Variants in YTHDC1 observed in about 807,000 individuals in gnomAD.
YTHDC1 encodes YTH N6-methyladenosine RNA binding protein C1.
YTHDC1 carries 12 observed loss-of-function variants against 107.0 expected under a neutral mutation model. The ratio of observed to expected loss-of-function variants is 0.11; its 90% CI spans 0.07 to 0.18. The LOEUF is 0.18. Among genes scored for constraint, YTHDC1 ranks in the 10% least tolerant of loss-of-function variants. The pLI is 1.00. For missense variants in YTHDC1, 635 were observed against 898.8 expected, an observed-to-expected ratio of 0.71 and a Z score of 3.75; for synonymous variants, 280 against 289.5, an observed-to-expected ratio of 0.97 and a Z score of 0.33.
Position 68,324,122 on chromosome 4 carries a change from CAATT to C in YTHDC1, c.1434+13_1434+16del. The stretch of plus-strand genomic sequence containing the variant: ...GATTAAATGTGTTTTTTTAAAGAAT[CAATT>C]AAGGCCACAAACCTGTCCATCACGT... On this transcript the variant is annotated intron_variant, in intron 10 of 16. Transcript: ENST00000344157. 1 of 1,599,908 alleles carries C rather than the reference CAATT, an allele frequency of 6.3e-7. No homozygotes were observed. The highest frequency in any genetic ancestry group is 1.1e-5 in the South Asian group (1 of 89,148).
rs1275319527 is a variant in YTHDC1, at chr4:68,313,127, ACT to A, written c.*970_*971del. The A allele has an allele frequency of 4.6e-5, 7 of 152,338 alleles. No individual in the cohort carries two copies. In the South Asian group the frequency reaches 6.2e-4, roughly 14 times the overall value. The allele number at this position is 152,338 out of a possible 1,614,324, so 9.4% of individuals were successfully genotyped here. ...AATACTTAACCAAATTATTAACATA[ACT>A]CTGTGTATCTTATGTTAGAAATAGA... On this transcript the variant is annotated 3_prime_UTR_variant, in exon 17 of 17. Transcript: ENST00000344157.
rs79205979 is a variant in YTHDC1, at chr4:68,314,042, A to C, written c.*57T>G. On this transcript the variant is annotated 3_prime_UTR_variant, in exon 17 of 17. Coordinates refer to ENST00000344157, the MANE Select transcript of YTHDC1 (RefSeq NM_001031732.4). ...AAATTTACTACTTGTAAACACACAC[A>C]AAAAAAAAATACAAGATTTTTTGTA... is the stretch of plus-strand genomic sequence containing the variant. 2.4e-6 allele frequency: 3 copies of C among 1,255,516 alleles called. No homozygotes were observed. Among genetic ancestry groups the C allele is most frequent in the Non-Finnish European group, 3.3e-6 (3 of 909,454 alleles). The allele number at this position is 1,255,516 out of a possible 1,614,324, so 77.8% of individuals were successfully genotyped here.
intron 1 of YTHDC1, among the ~76,000 whole-genome samples, chr4:68,347,336 G>A (rs543373207): frequency 5.9e-5 from 9 of 152,214 alleles, no homozygotes; most frequent in Admixed American, 2.6e-4. Context: ...TCCTTATATA[G>A]AAAAATGGCA....
intron 16 of YTHDC1, among the ~76,000 whole-genome samples, chr4:68,314,941 G>A (rs1377812051): frequency 1.3e-5 from 2 of 152,166 alleles, no homozygotes; most frequent in African/African-American, 4.8e-5. Context: ...AAACTTAGCT[G>A]AAATAAGATT....
intron 7 of YTHDC1, among the ~76,000 whole-genome samples, chr4:68,331,667 C>T (rs914968376): frequency 6.6e-6 from 1 of 151,902 alleles, no homozygotes; most frequent in African/African-American, 2.4e-5. Flanking sequence ...TCCCAATGAT[C>T]TTAATTCTAA....
intron 1 of YTHDC1, among the ~76,000 whole-genome samples, chr4:68,343,005 AGTTT>A (rs1725017590): frequency 6.6e-6 from 1 of 152,198 alleles, no homozygotes; most frequent in African/African-American, 2.4e-5. Context: ...ACTTCATAAT[AGTTT>A]GACAGTAGTA....
chr4:68,337,509 AAACAGTTCT>A, intron 3 of YTHDC1, 54 bp downstream of exon 3: 4 of 1,596,702 alleles, frequency 2.5e-6, no homozygotes, highest in Non-Finnish European at 3.4e-6. Context: ...CAGGGTGAAT[AAACAGTTCT>A]AAAGCCTCAA....
chr4:68,316,370 G>A lies in YTHDC1; in HGVS notation c.1903C>T (p.Pro635Ser), dbSNP rs764890012. Reference sequence around the variant, plus strand: ...GGTACTGGATGATGTCCTGAGTAAGGGGGATGAGCTTGAGGAGGTGGAGCA... The same window carrying A: ...GGTACTGGATGATGTCCTGAGTAAGAGGGATGAGCTTGAGGAGGTGGAGCA... ...HHAPPPQAHP[P>S]YSGHHPVPHE... The change falls in exon 16 of 17, where the codon CCT becomes TCT. Residue 635 changes from proline (P) to serine (S), a missense_variant. This residue lies in a region of YTHDC1 where 256 missense variants were observed against 372.9 expected (regional missense o/e 0.69). Coordinates refer to ENST00000344157, the MANE Select transcript of YTHDC1 (RefSeq NM_001031732.4). 1 of 1,614,042 alleles carries A rather than the reference G, an allele frequency of 6.2e-7. No homozygotes were observed. The highest frequency in any genetic ancestry group is 8.5e-7 in the Non-Finnish European group (1 of 1,179,964).
intron 16 of YTHDC1, among the ~76,000 whole-genome samples, chr4:68,314,978 TA>T (rs1721660717): frequency 6.6e-6 from 1 of 152,174 alleles, no homozygotes; most frequent in Non-Finnish European, 1.5e-5. Context: ...CATTACCTTT[TA>T]TATATGTGAT....
intron 4 of YTHDC1, among the ~76,000 whole-genome samples, chr4:68,335,139 T>C (rs1483392799): frequency 2.0e-5 from 3 of 152,298 alleles, no homozygotes; most frequent in East Asian, 3.9e-4. Flanking sequence ...TTTATAAAGT[T>C]ACCAAAAATT....
rs566379464 is a variant in YTHDC1, at chr4:68,337,208, TTCCTCC to T, written c.696_701del (p.Glu248_Glu249del). The T allele has an allele frequency of 2.5e-6, 4 of 1,589,488 alleles. No individual in the cohort carries two copies. The highest frequency in any genetic ancestry group is 2.2e-5 in the East Asian group (1 of 44,632). On this transcript the variant is annotated inframe_deletion, in exon 4 of 17. Coordinates refer to ENST00000344157, the MANE Select transcript of YTHDC1 (RefSeq NM_001031732.4). ...CCTCCTCCTCTTCCTCCTCCTCCTC[TTCCTCC>T]TCCTCCTCTCCATCTTCATCCACCT...
At position 68,332,801 on chromosome 4, in the gene YTHDC1, G is replaced by A. The variant is rs778427737; in HGVS notation, c.1020C>T (p.Val340=). ...TTCAAATTTAAATGATACCTTTTCG[G>A]ACAGCACGAACGGAAGATGATAATT... is the stretch of plus-strand genomic sequence containing the variant. ...HEKLSSSVRA[V]RKDQTSKLKY... Residue 340 remains valine, a synonymous_variant, in exon 6 of 17, where the codon GTC becomes GTT. Transcript: ENST00000344157. 2 of 1,613,044 alleles carry A rather than the reference G, an allele frequency of 1.2e-6. No individual in the cohort carries two copies. The highest frequency in any genetic ancestry group is 1.1e-5 in the South Asian group (1 of 90,984).
At chr4:68,323,452 G>A (rs1480645796) in intron 10 of YTHDC1, among the ~76,000 whole-genome samples, 1 of 152,130 alleles carries the variant, frequency 6.6e-6, no homozygotes, top group Non-Finnish European at 1.5e-5. Flanking sequence ...GCATGGCCAG[G>A]CATAGTGGCT....
chr4:68,348,544 T>G (rs558505506), intron 1 of YTHDC1, among the ~76,000 whole-genome samples: 1 of 150,752 alleles, frequency 6.6e-6, no homozygotes, highest in South Asian at 2.1e-4. Flanking sequence ...ATTAAACTGC[T>G]ATAACCTAAT....
chr4:68,349,630 A>AGCCCCCCCC, intron 1 of YTHDC1, 96 bp downstream of exon 1: 50 of 153,360 alleles, frequency 3.3e-4, no homozygotes, highest in South Asian at 8.9e-4. Context: ...TAACCTCCCC[A>AGCCCCCCCC]ACCCCCACCC....
intron 1 of YTHDC1, among the ~76,000 whole-genome samples, chr4:68,343,475 T>C (rs979015770): frequency 6.7e-6 from 1 of 149,924 alleles, no homozygotes; most frequent in East Asian, 2.0e-4. Flanking sequence ...GTCTTGGGAT[T>C]ATAGGCATGA....
In YTHDC1 at chr4:68,313,873, A is replaced by G; in HGVS notation, c.*226T>C. On this transcript the variant is annotated 3_prime_UTR_variant, in exon 17 of 17. Transcript: ENST00000344157. Reference sequence around the variant, plus strand: ...TTCTTGGACTGTTCCATTCTGCCCCAATAAAAGTGTCAATTCAACTGTCAG... The same window carrying G: ...TTCTTGGACTGTTCCATTCTGCCCCGATAAAAGTGTCAATTCAACTGTCAG... 1 of 587,872 alleles carries G rather than the reference A, an allele frequency of 1.7e-6. No homozygotes were observed. The highest frequency in any genetic ancestry group is 3.1e-5 in the Admixed American group (1 of 32,574). 36.4% of individuals were successfully genotyped at this position (587,872 alleles called of 1,614,324 possible). A position where few individuals can be genotyped will look rare whatever the true frequency, so the allele number is the denominator to read the frequency against.
In YTHDC1 at chr4:68,330,818, A is replaced by G. The variant is rs1283177177; in HGVS notation, c.1123-508T>C. On this transcript the variant is annotated intron_variant, in intron 7 of 16. Coordinates refer to ENST00000344157, the MANE Select transcript of YTHDC1 (RefSeq NM_001031732.4). ...TTATGTATCAATAGTTTGACTGAAG[A>G]GGCCTACGTTTTACCTACAGCTGGA... Among the ~76,000 whole-genome samples, 6 of 152,204 alleles carry G rather than the reference A, an allele frequency of 3.9e-5. No individual in the cohort carries two copies. In the East Asian group the frequency reaches 1.2e-3, roughly 29 times the overall value.
rs1157310724 is a variant in YTHDC1 at position 68,312,939 on chromosome 4, C to T, written c.*1160G>A. 6.6e-6 allele frequency: 1 copy of T among 152,094 alleles called. No individual in the cohort carries two copies. Among genetic ancestry groups the T allele is most frequent in the Non-Finnish European group, 1.5e-5 (1 of 68,000 alleles). The allele number at this position is 152,094 out of a possible 1,614,324, so 9.4% of individuals were successfully genotyped here. A position where few individuals can be genotyped will look rare whatever the true frequency, so the allele number is the denominator to read the frequency against. On this transcript the variant is annotated 3_prime_UTR_variant, in exon 17 of 17. Transcript: ENST00000344157. ...ACCACTGGGAGAACTGGACAGTTAA[C>T]TTAAAATACAGAACTAATACAAGAG...
Sources: allele counts gnomAD v4.1 joint callset (sites outside exome capture counted in the v4.1 genomes callset), GRCh38; gene constraint gnomAD v4.1.1; regional missense constraint gnomAD v4.1.1; transcripts MANE v1.5; gene names NCBI Gene and HGNC (gene_info 2026-07-23, HGNC 2026-07-21).